TENM4: variants seen among roughly 807,000 people sequenced by gnomAD.
The protein encoded by TENM4 is teneurin transmembrane protein 4.
TENM4 carries 82 observed loss-of-function variants against 243.3 expected under a neutral mutation model. The observed-to-expected ratio is 0.34, with a 90% confidence interval of 0.28 to 0.40. The LOEUF (loss-of-function observed/expected upper bound fraction) is 0.40. Among genes scored for constraint, TENM4 ranks in the 10% least tolerant of loss-of-function variants. The probability of loss-of-function intolerance (pLI) is 1.00; values close to 1 mark genes in which losing one functional copy is unlikely to be tolerated. For missense variants in TENM4, 3,138 were observed against 3,673.3 expected (o/e 0.85, Z 3.77); for synonymous variants, 1,412 against 1,456.3 (o/e 0.97, Z 0.69).
At chr11:78,708,984 T>TTTTTTTTTTA (rs59432159) in intron 26 of TENM4, among the ~76,000 whole-genome samples, 2 of 145,254 alleles carry the variant, frequency 1.4e-5, no homozygotes, top group African/African-American at 5.4e-5. Flanking sequence ...TTTTTTTTTT[T>TTTTTTTTTTA]AAAAAAAGAG....
At position 78,708,414 on chromosome 11, in the gene TENM4, C is replaced by A; in HGVS notation, c.4156G>T (p.Asp1386Tyr). The change falls in exon 27 of 34, where the codon GAT (aspartate) becomes TAT (tyrosine). Residue 1386 changes from aspartate to tyrosine, a missense_variant. Asp to Tyr is a radical substitution (Grantham distance 160). Transcript: ENST00000278550. ...GIISTLLGSN[D>Y]LTSARPLSCD... ...CTGAGTGGCCGGGCTGATGTGAGATCATTAGAGCCGAGCAGGGTGGAGATG... is the reference window on the plus strand; with the variant it reads ...CTGAGTGGCCGGGCTGATGTGAGATAATTAGAGCCGAGCAGGGTGGAGATG... The A allele has an allele frequency of 6.2e-7, 1 of 1,614,008 alleles. No individual in the cohort carries two copies. Among genetic ancestry groups the A allele is most frequent in the Non-Finnish European group, 8.5e-7 (1 of 1,179,892 alleles).
intron 6 of TENM4, among the ~76,000 whole-genome samples, chr11:79,036,635 G>T (rs1447054348): frequency 6.6e-6 from 1 of 152,200 alleles, no homozygotes; most frequent in East Asian, 1.9e-4. Flanking sequence ...CCCAAGTTTA[G>T]CCAAAGTGGT....
intron 3 of TENM4, among the ~76,000 whole-genome samples, chr11:79,174,721 G>A (rs1591333174): frequency 1.3e-5 from 2 of 152,196 alleles, no homozygotes; most frequent in Admixed American, 1.3e-4. Flanking sequence ...GTGTTGCTAT[G>A]TAGGAAGGCA....
At chr11:78,939,899 C>A (rs1427181251) in intron 6 of TENM4, among the ~76,000 whole-genome samples, 1 of 152,040 alleles carries the variant, frequency 6.6e-6, no homozygotes, top group Non-Finnish European at 1.5e-5. Flanking sequence ...TAGCACAATG[C>A]TAGCTATATA....
chr11:79,111,302 T>C (rs1861499719), intron 4 of TENM4, among the ~76,000 whole-genome samples: 4 of 152,204 alleles, frequency 2.6e-5, no homozygotes, highest in Middle Eastern at 6.8e-3. Context: ...TCCCAGAACT[T>C]TGGGAGGCCG....
Position 79,242,756 on chromosome 11 carries a change from G to A in TENM4, c.-264-26847C>T, listed in dbSNP as rs1044155952. The stretch of plus-strand genomic sequence containing the variant: ...AAATAAAGCTATAGTGAACACCCGT[G>A]TGGATTCATTTTTGTCTGCATTTCA... On this transcript the variant is annotated intron_variant, in intron 2 of 33. Transcript: ENST00000278550. Among the ~76,000 whole-genome samples the A allele has an allele frequency of 2.0e-5, 3 of 152,174 alleles. No individual in the cohort carries two copies. The South Asian group carries it at 6.2e-4, about 32-fold the overall frequency.
intron 12 of TENM4, among the ~76,000 whole-genome samples, chr11:78,818,662 A>G (rs1042743390): frequency 6.6e-6 from 1 of 152,214 alleles, no homozygotes; most frequent in Non-Finnish European, 1.5e-5. Flanking sequence ...TCTGTGCTAC[A>G]TTCTAGGGCA....
In TENM4 at chr11:78,787,077, C is replaced by T; in HGVS notation, c.2186G>A (p.Cys729Tyr). Residue 729 changes from cysteine to tyrosine, a missense_variant, in exon 16 of 34, where the codon TGT becomes TAT. Cys to Tyr is a radical substitution (Grantham distance 194). Around this residue, in one of 2 missense-constraint regions of TENM4, gnomAD observed 2,467 missense variants for 3,059.1 expected, o/e 0.81. Coordinates refer to ENST00000278550, the MANE Select transcript of TENM4 (RefSeq NM_001098816.3). ...WTGHDCSIEI[C>Y]AADCGGHGVC... is the part of the protein sequence containing the mutation. ...GCCATGGCCACCACAGTCGGCAGCA[C>T]AGATCTCTGTGGGGAGGAGCAGAAG... 6.5e-7 allele frequency: 1 copy of T among 1,544,548 alleles called. No homozygotes were observed. Among genetic ancestry groups the T allele is most frequent in the Non-Finnish European group, 8.8e-7 (1 of 1,142,524 alleles).
chr11:78,767,238 C>T (rs886382994), intron 18 of TENM4, among the ~76,000 whole-genome samples: 8 of 152,126 alleles, frequency 5.3e-5, no homozygotes, highest in Non-Finnish European at 1.2e-4. Context: ...GTGACTTCTG[C>T]GAAATAATCG....
intron 6 of TENM4, among the ~76,000 whole-genome samples, chr11:78,946,588 A>G (rs954246112): frequency 6.6e-6 from 1 of 152,242 alleles, no homozygotes; most frequent in Admixed American, 6.5e-5. Context: ...CACATTTTAT[A>G]AGACTATAGC....
chr11:79,390,991 G>A (rs994915289), intron 1 of TENM4, among the ~76,000 whole-genome samples: 19 of 152,280 alleles, frequency 1.2e-4, no homozygotes, highest in East Asian at 1.2e-3. Context: ...GTTTGCTTGA[G>A]CCTGGCTTTA....
At chr11:78,771,837 A>G (rs1277351786) in intron 17 of TENM4, among the ~76,000 whole-genome samples, 1 of 152,184 alleles carries the variant, frequency 6.6e-6, no homozygotes, top group Non-Finnish European at 1.5e-5. Context: ...TGTGAGTGCA[A>G]CGCAGGTACA....
intron 2 of TENM4, among the ~76,000 whole-genome samples, chr11:79,240,785 C>G (rs1354087335): frequency 6.6e-6 from 1 of 152,090 alleles, no homozygotes; most frequent in Non-Finnish European, 1.5e-5. Context: ...TCAACGGGCC[C>G]TTTGCATATA....
chr11:78,698,797 T>C (rs1859035119), intron 28 of TENM4, among the ~76,000 whole-genome samples: 1 of 152,248 alleles, frequency 6.6e-6, no homozygotes, highest in Non-Finnish European at 1.5e-5. Flanking sequence ...AGCCTGTCCC[T>C]GAGTCACATG....
chr11:78,932,058 G>A lies in TENM4; in HGVS notation c.494-28535C>T, dbSNP rs759399588. ...GTTATGGAAGGATTTCGCAGGCTTG[G>A]AAAGCACTTAATAGGCTGCCTGGCA... On this transcript the variant is annotated intron_variant, in intron 6 of 33. Coordinates refer to ENST00000278550, the MANE Select transcript of TENM4 (RefSeq NM_001098816.3). 5.3e-5 allele frequency among the ~76,000 whole-genome samples: 8 copies of A among 152,152 alleles called. No individual in the cohort carries two copies. In the South Asian group the frequency reaches 1.7e-3, roughly 32 times the overall value.
chr11:78,863,190 C>G (rs925379615), intron 9 of TENM4, 58 bp from the exon 10 acceptor site: 2 of 1,431,670 alleles, frequency 1.4e-6, no homozygotes, highest in Admixed American at 2.2e-5. Flanking sequence ...ACGGGACTCC[C>G]AAGCCATAAG....
intron 6 of TENM4, among the ~76,000 whole-genome samples, chr11:78,939,335 C>T (rs544109856): frequency 1.1e-3 from 163 of 152,220 alleles, no homozygotes; most frequent in Admixed American, 2.6e-3. Flanking sequence ...AATATAATCA[C>T]GCTCAAACTT....
At chr11:79,281,465 C>T (rs1013004564) in intron 2 of TENM4, among the ~76,000 whole-genome samples, 2 of 152,106 alleles carry the variant, frequency 1.3e-5, no homozygotes, top group Non-Finnish European at 2.9e-5. Flanking sequence ...TTTAATTTAT[C>T]ACGACAACCC....
chr11:79,417,411 G>C (rs114999773), intron 1 of TENM4, among the ~76,000 whole-genome samples: 1,579 of 152,226 alleles, frequency 0.01, 25 homozygotes, highest in African/African-American at 0.036. Context: ...CCCAGATGCC[G>C]TTGTTTGGAC....
Sources: gnomAD v4.1 joint callset for allele counts (sites outside exome capture counted in the v4.1 genomes callset) on GRCh38, gnomAD v4.1.1 for gene constraint, gnomAD v4.1.1 regional missense constraint, MANE v1.5 for transcripts, NCBI Gene and HGNC (gene_info 2026-07-23, HGNC 2026-07-21) for gene names.